Variants in CASK observed in about 807,000 individuals in gnomAD.
The protein encoded by CASK is peripheral plasma membrane protein CASK.
Under a neutral mutation model 82.9 loss-of-function variants are expected in CASK, and 4 were observed. The observed-to-expected ratio is 0.05, with a 90% confidence interval of 0.02 to 0.11. The LOEUF is 0.11. Ranked by LOEUF, CASK falls within the 10% of genes least tolerant of loss-of-function variation. The pLI is 1.00. For synonymous variants in CASK, 259 were observed against 253.5 expected (o/e 1.02, Z -0.20); for missense variants, 358 against 720.9 (o/e 0.50, Z 5.76).
intron 2 of CASK, among the ~76,000 whole-genome samples, chrX:41,787,513 A>T (rs528669336): frequency 2.8e-5 from 3 of 109,091 alleles, no homozygotes; most frequent in Admixed American, 9.8e-5. Context: ...AGCTTTTAAT[A>T]AAAAAAGTAC....
At chrX:41,561,453 C>T in intron 17 of CASK, 106 bp downstream of exon 17, 1 of 567,003 alleles carries the variant, frequency 1.8e-6, no homozygotes. Flanking sequence ...AAATATGGTA[C>T]CAGAAATTCT....
chrX:41,910,925 GT>G, intron 1 of CASK, among the ~76,000 whole-genome samples: 1 of 111,208 alleles, frequency 9.0e-6, no homozygotes, highest in East Asian at 2.8e-4. Context: ...GTTGGTAAAG[GT>G]TTTTTCCATC....
At chrX:41,614,754 C>T (rs1424209755) in intron 11 of CASK, among the ~76,000 whole-genome samples, 1 of 111,843 alleles carries the variant, frequency 8.9e-6, no homozygotes, top group Non-Finnish European at 1.9e-5. Flanking sequence ...CTCCTAACCT[C>T]GTGATCTGCC....
intron 3 of CASK, among the ~76,000 whole-genome samples, chrX:41,753,779 C>T (rs966119214): frequency 9.0e-6 from 1 of 111,245 alleles, no homozygotes; most frequent in Non-Finnish European, 1.9e-5. Context: ...CCAGATACTC[C>T]AGAGGCAGAG....
intron 5 of CASK, among the ~76,000 whole-genome samples, chrX:41,692,702 A>G (rs1387582507): frequency 8.9e-6 from 1 of 111,879 alleles, no homozygotes; most frequent in Non-Finnish European, 1.9e-5. Flanking sequence ...GGCCTTTTCT[A>G]AGTGTGCTGC....
chrX:41,650,890 G>A (rs1481683879), intron 8 of CASK, among the ~76,000 whole-genome samples: 3 of 111,639 alleles, frequency 2.7e-5, no homozygotes, highest in Non-Finnish European at 5.6e-5. Context: ...ACATAAGCCT[G>A]CTCTTACCAG....
At chrX:41,725,838 A>G (rs2068250195) in intron 5 of CASK, among the ~76,000 whole-genome samples, 1 of 112,140 alleles carries the variant, frequency 8.9e-6, no homozygotes, top group Non-Finnish European at 1.9e-5. Context: ...ACCAACAAGC[A>G]TAGCAGCTAC....
At chrX:41,631,728 C>T (rs1043931390) in intron 9 of CASK, among the ~76,000 whole-genome samples, 92 of 110,876 alleles carry the variant, frequency 8.3e-4, no homozygotes, top group African/African-American at 2.9e-3. Flanking sequence ...GCCTCAGCCT[C>T]TCAAAGTGCT....
In CASK at chrX:41,520,066, T is replaced by C. The variant is rs935415290; in HGVS notation, c.*354A>G. The C allele has an allele frequency of 3.0e-5, 4 of 133,172 alleles. No individual in the cohort carries two copies. Among genetic ancestry groups the C allele is most frequent in the Non-Finnish European group, 6.0e-5 (4 of 66,544 alleles). 11.0% of individuals were successfully genotyped at this position (133,172 alleles called of 1,213,427 possible). On this transcript the variant is annotated 3_prime_UTR_variant, in exon 27 of 27. Coordinates refer to ENST00000378163, the MANE Select transcript of CASK (RefSeq NM_001367721.1). The stretch of plus-strand genomic sequence containing the variant: ...TAACAGAATCATTGTTTATTATTAT[T>C]AAAATAGATTATAGAAAGCAGCATC...
At chrX:41,671,568 A>C in intron 5 of CASK, 38 bp from the exon 6 acceptor site, 2 of 865,051 alleles carry the variant, frequency 2.3e-6, no homozygotes, top group South Asian at 4.1e-5. Context: ...AACAAAAAAC[A>C]AACCCGAAGA....
chrX:41,665,823 G>A (rs1353418388), intron 6 of CASK: 1 of 155,491 alleles, frequency 6.4e-6, no homozygotes, highest in Non-Finnish European at 1.2e-5. Context: ...GAGTCAACAG[G>A]CAGAGCCTGT....
intron 2 of CASK, among the ~76,000 whole-genome samples, chrX:41,847,780 GC>G (rs2071187333): frequency 8.9e-6 from 1 of 111,760 alleles, no homozygotes; most frequent in African/African-American, 3.3e-5. Context: ...TTTATGTGTG[GC>G]CACTTAAGTC....
chrX:41,639,530 T>A (rs1405893545), intron 8 of CASK, among the ~76,000 whole-genome samples: 1 of 109,814 alleles, frequency 9.1e-6, no homozygotes, highest in Non-Finnish European at 1.9e-5. Flanking sequence ...CTGGAAATAA[T>A]AAAAAGGGTG....
intron 3 of CASK, chrX:41,786,839 A>G (rs1369837505): frequency 2.2e-5 from 5 of 226,508 alleles, no homozygotes; most frequent in Non-Finnish European, 4.0e-5. Flanking sequence ...GTCTTGCTAC[A>G]TGGATGCCTC....
chrX:41,561,759 T>C, intron 16 of CASK, 115 bp from the exon 17 acceptor site: 1 of 572,898 alleles, frequency 1.7e-6, no homozygotes, highest in Non-Finnish European at 2.9e-6. Context: ...GGCCAATATT[T>C]CAGAGGCAGG....
intron 2 of CASK, among the ~76,000 whole-genome samples, chrX:41,832,730 T>A (rs943193496): frequency 8.9e-6 from 1 of 112,356 alleles, no homozygotes; most frequent in African/African-American, 3.2e-5. Flanking sequence ...TGTATTTCAG[T>A]TTAAAGACAT....
At chrX:41,576,174 CAT>C (rs2065482621) in intron 15 of CASK, among the ~76,000 whole-genome samples, 1 of 109,657 alleles carries the variant, frequency 9.1e-6, no homozygotes. Flanking sequence ...GGGGTTTCAC[CAT>C]ATTGGCCACG....
At chrX:41,912,300 G>GTTTTTTTTTTTTTTTTTTTTT (rs774775542) in intron 1 of CASK, among the ~76,000 whole-genome samples, 9 of 53,177 alleles carry the variant, frequency 1.7e-4, no homozygotes, top group African/African-American at 3.1e-4. Flanking sequence ...TTTGTTTTCT[G>GTTTTTTTTTTTTTTTTTTTTT]TTTTTTTTTT....
intron 5 of CASK, among the ~76,000 whole-genome samples, chrX:41,724,660 G>A (rs1195628624): frequency 1.8e-5 from 2 of 111,610 alleles, no homozygotes; most frequent in African/African-American, 3.3e-5. Context: ...ATTTTTGAAG[G>A]AGATGTACAT....
Sources: allele counts gnomAD v4.1 joint callset (sites outside exome capture counted in the v4.1 genomes callset), GRCh38; gene constraint gnomAD v4.1.1; transcripts MANE v1.5; gene names NCBI Gene and HGNC (gene_info 2026-07-23, HGNC 2026-07-21).